CDIN1: variants seen among roughly 807,000 people sequenced by gnomAD.
The protein encoded by CDIN1 is CDAN1-interacting nuclease 1.
A neutral mutation model predicts 45.3 loss-of-function variants in CDIN1; 33 were observed. The ratio of observed to expected loss-of-function variants is 0.73; its 90% CI spans 0.55 to 0.97. The LOEUF (loss-of-function observed/expected upper bound fraction) is 0.97. Among genes scored for constraint, CDIN1 ranks in the 50% least tolerant of loss-of-function variants. The pLI is 0.00. For synonymous variants in CDIN1, 118 were observed against 124.4 expected (o/e 0.95, Z 0.34); for missense variants, 303 against 339.4 (o/e 0.89, Z 0.84).
chr15:36,666,452 T>C (rs2066951876), intron 5 of CDIN1, among the ~76,000 whole-genome samples: 1 of 152,222 alleles, frequency 6.6e-6, no homozygotes, highest in South Asian at 2.1e-4. Context: ...CACTTGCCCC[T>C]TCCCCTCACT....
intron 1 of CDIN1, chr15:36,591,684 A>G (rs1027270928): frequency 2.0e-5 from 3 of 152,200 alleles, no homozygotes; most frequent in African/African-American, 7.2e-5. Context: ...GGACCTGCAT[A>G]CCTCTCTTAT....
At chr15:36,682,767 C>CAAAAAAAAAAAAAAAAA (rs10706117) in intron 5 of CDIN1, among the ~76,000 whole-genome samples, 3 of 61,398 alleles carry the variant, frequency 4.9e-5, no homozygotes, top group Non-Finnish European at 6.5e-5. Flanking sequence ...AAGACCCTGC[C>CAAAAAAAAAAAAAAAAA]AAAAAAAAAA....
intron 4 of CDIN1, among the ~76,000 whole-genome samples, chr15:36,656,165 A>AT (rs1217121492): frequency 1.3e-5 from 2 of 152,114 alleles, no homozygotes; most frequent in Admixed American, 1.3e-4. Flanking sequence ...CCAAGGTGCC[A>AT]TTTTTTCCAG....
intron 1 of CDIN1, among the ~76,000 whole-genome samples, chr15:36,615,068 T>C (rs1402800987): frequency 6.6e-6 from 1 of 152,260 alleles, no homozygotes; most frequent in Non-Finnish European, 1.5e-5. Context: ...GGTTTGAAGC[T>C]GCTGTCTCTA....
At chr15:36,794,356 T>A (rs1480730604) in intron 10 of CDIN1, among the ~76,000 whole-genome samples, 1 of 152,134 alleles carries the variant, frequency 6.6e-6, no homozygotes, top group Non-Finnish European at 1.5e-5. Flanking sequence ...ATAACTATTT[T>A]TAAGTGTACA....
At chr15:36,614,342 T>C in intron 1 of CDIN1, 1 of 539,944 alleles carries the variant, frequency 1.9e-6, no homozygotes, top group Admixed American at 2.0e-5. Context: ...CCTTCTCCCC[T>C]GTGGCTTTTT....
intron 5 of CDIN1, among the ~76,000 whole-genome samples, chr15:36,681,711 T>G (rs2041857557): frequency 6.6e-6 from 1 of 152,176 alleles, no homozygotes; most frequent in Non-Finnish European, 1.5e-5. Flanking sequence ...AGAGTGCTTA[T>G]AAGTAACGGT....
chr15:36,623,317 C>A (rs955615984), intron 1 of CDIN1, among the ~76,000 whole-genome samples: 1 of 152,080 alleles, frequency 6.6e-6, no homozygotes, highest in Non-Finnish European at 1.5e-5. Flanking sequence ...ACAATTTTGC[C>A]TTCTCTTTTA....
intron 10 of CDIN1, among the ~76,000 whole-genome samples, chr15:36,805,219 C>G (rs1403909395): frequency 6.6e-6 from 1 of 152,126 alleles, no homozygotes; most frequent in East Asian, 1.9e-4. Context: ...GATCTTATTA[C>G]TTGACCATGA....
In CDIN1 at chr15:36,619,154, G is replaced by A. The variant is rs2039033545; in HGVS notation, c.102-25124G>A. 10 of 1,143,344 alleles carry A rather than the reference G, an allele frequency of 8.7e-6. No individual in the cohort carries two copies. In the East Asian group the frequency reaches 2.1e-4, roughly 24 times the overall value. The allele number at this position is 1,143,344 out of a possible 1,614,324, so 70.8% of individuals were successfully genotyped here. A position where few individuals can be genotyped will look rare whatever the true frequency, so the allele number is the denominator to read the frequency against. ...TTCTGAGGCCATACCATTCCCAGGG[G>A]AGCAGCTGGAAAAATCAGGGAACAG... is the stretch of plus-strand genomic sequence containing the variant. On this transcript the variant is annotated intron_variant, in intron 1 of 10. Transcript: ENST00000566621.
chr15:36,790,509 G>A (rs1046717947), intron 10 of CDIN1, among the ~76,000 whole-genome samples: 1 of 152,172 alleles, frequency 6.6e-6, no homozygotes, highest in African/African-American at 2.4e-5. Flanking sequence ...ATATTTTAAC[G>A]TAGCTAGAAA....
Position 36,667,575 on chromosome 15 carries a change from C to A in CDIN1, c.346+9670C>A, listed in dbSNP as rs567567782. On this transcript the variant is annotated intron_variant, in intron 5 of 10. Transcript: ENST00000566621. ...GTCTATTACTTTATGATAAAACTGTCAAAATAATGATTGGGTACTCCTACA... is the reference window on the plus strand; with the variant it reads ...GTCTATTACTTTATGATAAAACTGTAAAAATAATGATTGGGTACTCCTACA... Among the ~76,000 whole-genome samples, 153 of 152,110 alleles carry A rather than the reference C, an allele frequency of 1.0e-3. 1 individual carries two copies. The highest frequency in any genetic ancestry group is 3.7e-3 in the African/African-American group (152 of 41,520).
chr15:36,754,001 A>C, intron 10 of CDIN1, among the ~76,000 whole-genome samples: 1 of 152,210 alleles, frequency 6.6e-6, no homozygotes, highest in East Asian at 1.9e-4. Flanking sequence ...ATTACACTCA[A>C]GTTTGGGTTC....
chr15:36,724,899 G>A (rs1471195224), intron 10 of CDIN1, among the ~76,000 whole-genome samples: 1 of 152,004 alleles, frequency 6.6e-6, no homozygotes, highest in Non-Finnish European at 1.5e-5. Flanking sequence ...GAGTTATGTG[G>A]GTTTAGAAAG....
intron 5 of CDIN1, among the ~76,000 whole-genome samples, chr15:36,670,221 A>C (rs2041399106): frequency 6.6e-6 from 1 of 152,022 alleles, no homozygotes; most frequent in Non-Finnish European, 1.5e-5. Flanking sequence ...TTTTCTTTTA[A>C]TTCCATACTC....
At chr15:36,618,300 A>G (rs2038992951) in intron 1 of CDIN1, 1 of 667,066 alleles carries the variant, frequency 1.5e-6, no homozygotes, top group Middle Eastern at 2.6e-4. Context: ...GATCTAGTTC[A>G]AAAAATTTTT....
chr15:36,717,159 TA>T (rs1001513843), intron 10 of CDIN1, among the ~76,000 whole-genome samples: 1 of 152,166 alleles, frequency 6.6e-6, no homozygotes, highest in African/African-American at 2.4e-5. Context: ...TTCTGTATTT[TA>T]AAAAACAACT....
chr15:36,741,814 A>T (rs535260012), intron 10 of CDIN1, among the ~76,000 whole-genome samples: 1 of 152,272 alleles, frequency 6.6e-6, no homozygotes, highest in African/African-American at 2.4e-5. Flanking sequence ...ATTGTAACTT[A>T]ATTTCCTCTG....
At chr15:36,711,000 T>TTG (rs2043038578) in intron 10 of CDIN1, among the ~76,000 whole-genome samples, 1 of 152,188 alleles carries the variant, frequency 6.6e-6, no homozygotes. Context: ...TCTTGTGTAA[T>TTG]TGTGCGTGGC....
Sources: allele counts gnomAD v4.1 joint callset (sites outside exome capture counted in the v4.1 genomes callset), GRCh38; gene constraint gnomAD v4.1.1; transcripts MANE v1.5; gene names NCBI Gene and HGNC (gene_info 2026-07-23, HGNC 2026-07-21).